The following PRSS57 variants were observed in gnomAD, a reference collection of about 807,000 sequenced individuals.
The protein encoded by PRSS57 is neutrophil serine protease 4.
PRSS57 carries 19 observed loss-of-function variants against 20.6 expected under a neutral mutation model. The ratio of observed to expected loss-of-function variants is 0.92; its 90% CI spans 0.64 to 1.35. The LOEUF is 1.35. PRSS57 is among the 40% of genes most tolerant of loss of function. The pLI is 0.00. For missense variants in PRSS57, 440 were observed against 403.7 expected (o/e 1.09, Z -0.77); for synonymous variants, 203 against 176.6 (o/e 1.15, Z -1.19).
rs1252452115 is a variant in PRSS57, at chr19:692,013, G to A, written c.234-11C>T. On this transcript the variant is annotated splice_polypyrimidine_tract_variant and intron_variant, in intron 2 of 4. Transcript: ENST00000329267. ...CCAGTGCGGAGGTCTCTGCAGGGAG[G>A]AGGTGGTGGGTGAGACGGGGGTGAG... 7.6e-7 allele frequency: 1 copy of A among 1,312,060 alleles called. No individual in the cohort carries two copies. The allele number at this position is 1,312,060 out of a possible 1,614,324, so 81.3% of individuals were successfully genotyped here.
At chr19:692,056 C>G in intron 2 of PRSS57, 54 bp from the exon 3 acceptor site, 1 of 1,259,260 alleles carries the variant, frequency 7.9e-7, no homozygotes, top group African/African-American at 1.5e-5. Context: ...CGTCCTGGGC[C>G]TCGGTCCACT....
At position 687,338 on chromosome 19, in the gene PRSS57, G is replaced by A. The variant is rs1001984488; in HGVS notation, c.379-150C>T. On this transcript the variant is annotated intron_variant, in intron 3 of 4. Coordinates refer to ENST00000329267, the MANE Select transcript of PRSS57 (RefSeq NM_001308209.2). ...CGGGTCAGGAGGCCCCGTTCCTTCT[G>A]CCAACACAGGCCCCTACCCCTCAGG... The A allele has an allele frequency of 4.7e-5, 40 of 843,960 alleles. 1 individual carries two copies. In the East Asian group the frequency reaches 1.1e-3, roughly 23 times the overall value. The allele number at this position is 843,960 out of a possible 1,614,324, so 52.3% of individuals were successfully genotyped here.
intron 2 of PRSS57, 87 bp downstream of exon 2, chr19:694,727 G>A (rs1253274112): frequency 4.0e-5 from 57 of 1,435,108 alleles, no homozygotes; most frequent in Middle Eastern, 2.2e-4. Context: ...CAGGAGCCAC[G>A]GCGCCCCCAG....
chr19:686,951 C>A lies in PRSS57; in HGVS notation c.616G>T (p.Asp206Tyr). 2 of 1,614,018 alleles carry A rather than the reference C, an allele frequency of 1.2e-6. No homozygotes were observed. Among genetic ancestry groups the A allele is most frequent in the Non-Finnish European group, 1.7e-6 (2 of 1,179,954 alleles). ...TLTMLCTRSG[D>Y]SHRRGFCSAD... The stretch of plus-strand genomic sequence containing the variant: ...GAGCAGAAGCCCCGTCTGTGGCTGT[C>A]CCCACTGCGGGTGCAGAGCATGGTA... Residue 206 changes from aspartate to tyrosine, a missense_variant, in exon 4 of 5, where the codon GAC becomes TAC. Physicochemically the swap from Asp to Tyr is radical, Grantham distance 160. Transcript: ENST00000329267.
chr19:690,905 G>C (rs912233624), intron 3 of PRSS57: 5 of 426,618 alleles, frequency 1.2e-5, no homozygotes, highest in Non-Finnish European at 2.2e-5. Context: ...CCCCGTGTCC[G>C]GGGCGCTGGC....
intron 4 of PRSS57, 89 bp from the exon 5 acceptor site, chr19:686,011 T>A: frequency 8.6e-7 from 1 of 1,163,332 alleles, no homozygotes; most frequent in Non-Finnish European, 1.2e-6. Flanking sequence ...GAACCCTCTG[T>A]GGCTCCCTAC....
chr19:689,420 G>C (rs1568208032), intron 3 of PRSS57, among the ~76,000 whole-genome samples: 1 of 152,146 alleles, frequency 6.6e-6, no homozygotes, highest in African/African-American at 2.4e-5. Context: ...GGTGCACTGG[G>C]TACAGCTGGT....
intron 3 of PRSS57, chr19:690,523 C>T (rs541341956): frequency 8.2e-6 from 2 of 243,018 alleles, no homozygotes; most frequent in Non-Finnish European, 1.7e-5. Context: ...TGGTCAAGGA[C>T]ATAAAGATCA....
chr19:691,860 G>A lies in PRSS57; in HGVS notation c.376C>T (p.Arg126Trp), dbSNP rs773735356. The change falls in exon 3 of 5, where the codon CGG becomes TGG. Residue 126 changes from arginine (R) to tryptophan (W), a missense_variant and splice_region_variant. Transcript: ENST00000329267. ...TCAGATCCACCCCCGGGGCTCACCC[G>A]CAGCAGGCAGATGTCGTTGGCGTGG... is the stretch of plus-strand genomic sequence containing the variant. The part of the protein sequence containing the change: ...MTHANDICLL[R>W]LNGSAVLGPA... 1.7e-5 allele frequency: 23 copies of A among 1,330,092 alleles called. No individual in the cohort carries two copies. Among genetic ancestry groups the A allele is most frequent in the South Asian group, 1.3e-4 (5 of 37,494 alleles). 82.4% of individuals were successfully genotyped at this position (1,330,092 alleles called of 1,614,324 possible).
chr19:692,326 A>T (rs1027398561), intron 2 of PRSS57, among the ~76,000 whole-genome samples: 1 of 151,502 alleles, frequency 6.6e-6, no homozygotes, highest in African/African-American at 2.4e-5. Flanking sequence ...CTGAGATTGC[A>T]CCATTGCACT....
chr19:685,828 A>C lies in PRSS57; in HGVS notation c.737T>G (p.Val246Gly). 6.4e-7 allele frequency: 1 copy of C among 1,563,334 alleles called. No individual in the cohort carries two copies. The highest frequency in any genetic ancestry group is 1.4e-5 in the African/African-American group (1 of 73,560). ...CACAAAGGCGGACACCTGCGTGTAC[A>C]CGTCGGGGGTCTTGGGGTCGCCGCA... ...LWCGDPKTPD[V>G]YTQVSAFVAW... is the part of the protein sequence containing the mutation. Residue 246 changes from valine to glycine, a missense_variant, in exon 5 of 5, where the codon GTG (valine) becomes GGG (glycine). Transcript: ENST00000329267.
chr19:689,438 T>A (rs141264785), intron 3 of PRSS57, among the ~76,000 whole-genome samples: 71 of 152,056 alleles, frequency 4.7e-4, no homozygotes, highest in African/African-American at 1.5e-3. Context: ...GGTGCAGAGC[T>A]CGGAGCGGAG....
chr19:685,670 C>T lies in PRSS57; in HGVS notation c.*46G>A, dbSNP rs1288295320. The T allele has an allele frequency of 1.4e-6, 2 of 1,470,274 alleles. No individual in the cohort carries two copies. Among genetic ancestry groups the T allele is most frequent in the African/African-American group, 1.4e-5 (1 of 71,044 alleles). 91.1% of individuals were successfully genotyped at this position (1,470,274 alleles called of 1,614,324 possible). On this transcript the variant is annotated 3_prime_UTR_variant, in exon 5 of 5. Coordinates refer to ENST00000329267, the MANE Select transcript of PRSS57 (RefSeq NM_001308209.2). Reference sequence around the variant, plus strand: ...CCGTGGGGCCCAGCCACGGAACATTCCAGGCCTGGAGCGGCCATCTCATTT... The same window carrying T: ...CCGTGGGGCCCAGCCACGGAACATTTCAGGCCTGGAGCGGCCATCTCATTT...
intron 2 of PRSS57, 55 bp from the exon 3 acceptor site, chr19:692,057 T>C: frequency 7.9e-7 from 1 of 1,258,130 alleles, no homozygotes; most frequent in Non-Finnish European, 1.0e-6. Context: ...GTCCTGGGCC[T>C]CGGTCCACTC....
At chr19:685,965 C>A in intron 4 of PRSS57, 43 bp from the exon 5 acceptor site, 2 of 1,486,804 alleles carry the variant, frequency 1.3e-6, no homozygotes. Context: ...CTGGGAGCTG[C>A]TGCAGGCACA....
chr19:687,233 C>A (rs367995963), intron 3 of PRSS57, 45 bp from the exon 4 acceptor site: 2 of 1,445,364 alleles, frequency 1.4e-6, no homozygotes, highest in East Asian at 2.6e-5. Context: ...CCCTCCCCAC[C>A]CCCGCTCCTG....
At chr19:689,713 G>A (rs942645368) in intron 3 of PRSS57, among the ~76,000 whole-genome samples, 10 of 152,146 alleles carry the variant, frequency 6.6e-5, no homozygotes, top group African/African-American at 2.4e-4. Context: ...GAGTCCAGGA[G>A]GTCAAGACCA....
chr19:687,281 T>A (rs1364378281), intron 3 of PRSS57, 93 bp from the exon 4 acceptor site: 1 of 1,370,240 alleles, frequency 7.3e-7, no homozygotes. Flanking sequence ...CCTGCCCTTG[T>A]GAAGCAAAAT....
intron 3 of PRSS57, among the ~76,000 whole-genome samples, chr19:689,101 C>T (rs1242319421): frequency 4.0e-4 from 48 of 120,638 alleles, no homozygotes; most frequent in African/African-American, 1.6e-3. Flanking sequence ...AAGCAGGTGA[C>T]GACGGGGCCG....
Sources: allele counts gnomAD v4.1 joint callset (sites outside exome capture counted in the v4.1 genomes callset), GRCh38; gene constraint gnomAD v4.1.1; transcripts MANE v1.5; gene names NCBI Gene and HGNC (gene_info 2026-07-23, HGNC 2026-07-21).